CSRNP3: variants seen among roughly 807,000 people sequenced by gnomAD.
The protein encoded by CSRNP3 is cysteine/serine-rich nuclear protein 3.
CSRNP3 carries 12 observed loss-of-function variants against 48.0 expected under a neutral mutation model. The ratio of observed to expected loss-of-function variants is 0.25; its 90% CI spans 0.16 to 0.41. CSRNP3 has a LOEUF of 0.41. Among genes scored for constraint, CSRNP3 ranks in the 10% least tolerant of loss-of-function variants. The probability of loss-of-function intolerance (pLI) is 1.00; values close to 1 mark genes in which losing one functional copy is unlikely to be tolerated. For synonymous variants in CSRNP3, 263 were observed against 269.7 expected (o/e 0.98, Z 0.24); for missense variants, 580 against 724.4 (o/e 0.80, Z 2.29).
chr2:165,519,925 GAGAT>G (rs1684629451), intron 3 of CSRNP3, among the ~76,000 whole-genome samples: 2 of 152,134 alleles, frequency 1.3e-5, no homozygotes, highest in African/African-American at 4.8e-5. Context: ...TTACACAAAA[GAGAT>G]AGATGTCACT....
chr2:165,536,805 A>G (rs1684887776), intron 3 of CSRNP3, among the ~76,000 whole-genome samples: 1 of 151,930 alleles, frequency 6.6e-6, no homozygotes, highest in Non-Finnish European at 1.5e-5. Context: ...GTTATTGAAT[A>G]CATTAAATGT....
At chr2:165,596,947 G>A (rs1325423334) in intron 4 of CSRNP3, among the ~76,000 whole-genome samples, 2 of 152,156 alleles carry the variant, frequency 1.3e-5, no homozygotes, top group Non-Finnish European at 2.9e-5. Context: ...CTGAAAGTAA[G>A]TAGTACTACC....
chr2:165,586,269 G>A (rs1454790413), intron 3 of CSRNP3, among the ~76,000 whole-genome samples: 1 of 152,064 alleles, frequency 6.6e-6, no homozygotes, highest in African/African-American at 2.4e-5. Context: ...TCACCCAAAT[G>A]ACTTTACATG....
chr2:165,540,004 G>T (rs891348487), intron 3 of CSRNP3, among the ~76,000 whole-genome samples: 4 of 152,014 alleles, frequency 2.6e-5, no homozygotes, highest in Non-Finnish European at 4.4e-5. Flanking sequence ...TAAACCCAAA[G>T]GATAAAATGC....
At chr2:165,563,103 C>G (rs1685254894) in intron 3 of CSRNP3, among the ~76,000 whole-genome samples, 1 of 152,198 alleles carries the variant, frequency 6.6e-6, no homozygotes, top group African/African-American at 2.4e-5. Flanking sequence ...CAAATTAAAA[C>G]TACCTCTCAA....
At chr2:165,538,490 G>T (rs1436197542) in intron 3 of CSRNP3, among the ~76,000 whole-genome samples, 1 of 151,740 alleles carries the variant, frequency 6.6e-6, no homozygotes, top group Non-Finnish European at 1.5e-5. Flanking sequence ...TTTACCCAGT[G>T]TCCCCACTTC....
At chr2:165,486,123 C>T (rs1415676980) in intron 1 of CSRNP3, among the ~76,000 whole-genome samples, 1 of 152,190 alleles carries the variant, frequency 6.6e-6, no homozygotes, top group Non-Finnish European at 1.5e-5. Context: ...CGAGGCATTG[C>T]CTCACCTGGG....
At chr2:165,598,143 G>T (rs1267696137) in intron 4 of CSRNP3, among the ~76,000 whole-genome samples, 1 of 152,092 alleles carries the variant, frequency 6.6e-6, no homozygotes, top group Admixed American at 6.5e-5. Flanking sequence ...CAAACAAGAG[G>T]GGTTGGGGAG....
rs71393687 is a variant in CSRNP3, at chr2:165,668,401, CTTTTTTTTT to C, written c.409-7899_409-7891del. 2.7e-3 allele frequency among the ~76,000 whole-genome samples: 299 copies of C among 111,506 alleles called. 1 individual carries two copies. Among genetic ancestry groups the C allele is most frequent in the Admixed American group, 5.3e-3 (54 of 10,156 alleles). The allele number at this position is 111,506 out of a possible 152,430, so 73.2% of individuals were successfully genotyped here. ...AATCATATCCTTTCTTTCTTTCTTT[CTTTTTTTTT>C]TTTTTTTTTTTGAGACAGAGTCTCG... is the stretch of plus-strand genomic sequence containing the variant. On this transcript the variant is annotated intron_variant, in intron 5 of 6. Coordinates refer to ENST00000651982, the MANE Select transcript of CSRNP3 (RefSeq NM_001172173.2).
At chr2:165,536,878 T>C (rs970551080) in intron 3 of CSRNP3, among the ~76,000 whole-genome samples, 1 of 151,904 alleles carries the variant, frequency 6.6e-6, no homozygotes, top group Non-Finnish European at 1.5e-5. Flanking sequence ...TAAAATAATA[T>C]GGATTAACAT....
intron 3 of CSRNP3, among the ~76,000 whole-genome samples, chr2:165,539,228 T>A (rs1208288095): frequency 1.3e-5 from 2 of 151,988 alleles, no homozygotes; most frequent in Non-Finnish European, 2.9e-5. Flanking sequence ...ATATGCACTG[T>A]TTTTACTCTG....
intron 3 of CSRNP3, among the ~76,000 whole-genome samples, chr2:165,565,270 A>G (rs1214004376): frequency 6.6e-6 from 1 of 152,094 alleles, no homozygotes; most frequent in Non-Finnish European, 1.5e-5. Flanking sequence ...AAAGTCTTAG[A>G]ATATCTAAGT....
At chr2:165,605,028 A>G (rs1685986738) in intron 4 of CSRNP3, among the ~76,000 whole-genome samples, 2 of 152,120 alleles carry the variant, frequency 1.3e-5, no homozygotes, top group African/African-American at 4.8e-5. Context: ...TTTGTACCAT[A>G]TCACCATCCT....
intron 3 of CSRNP3, among the ~76,000 whole-genome samples, chr2:165,588,484 GGCCTA>G (rs1161993508): frequency 6.6e-5 from 10 of 152,348 alleles, no homozygotes; most frequent in African/African-American, 2.4e-4. Context: ...GGAGGCCCTT[GGCCTA>G]GTCTAAGTGA....
At chr2:165,514,927 G>T (rs778310658) in intron 2 of CSRNP3, among the ~76,000 whole-genome samples, 3 of 152,178 alleles carry the variant, frequency 2.0e-5, no homozygotes, top group Non-Finnish European at 4.4e-5. Context: ...TTATGCATGA[G>T]ATTTATTTTT....
rs1229110174 is a variant in CSRNP3 at position 165,687,309 on chromosome 2, A to AT, written c.*7561dup. ...ACAAATATGGCTGTACTAGGTTTTC[A>AT]TTTTTGCTGTTGTTGTTGTTTGTTT... is the stretch of plus-strand genomic sequence containing the variant. On this transcript the variant is annotated 3_prime_UTR_variant, in exon 7 of 7. Transcript: ENST00000651982. 6.6e-6 allele frequency: 1 copy of AT among 151,934 alleles called. No homozygotes were observed. Among genetic ancestry groups the AT allele is most frequent in the African/African-American group, 2.4e-5 (1 of 41,388 alleles). The allele number at this position is 151,934 out of a possible 1,614,324, so 9.4% of individuals were successfully genotyped here. A position where few individuals can be genotyped will look rare whatever the true frequency, so the allele number is the denominator to read the frequency against.
intron 4 of CSRNP3, among the ~76,000 whole-genome samples, chr2:165,634,917 G>A (rs915910819): frequency 6.6e-6 from 1 of 152,198 alleles, no homozygotes; most frequent in Non-Finnish European, 1.5e-5. Flanking sequence ...AGCCTGTGTT[G>A]TTCACTTTGG....
At chr2:165,663,247 T>C (rs921265650) in intron 5 of CSRNP3, among the ~76,000 whole-genome samples, 4 of 152,240 alleles carry the variant, frequency 2.6e-5, no homozygotes, top group African/African-American at 9.6e-5. Flanking sequence ...TATTAACTAT[T>C]TCCCCATACT....
At chr2:165,482,265 C>CTTTTTTTT (rs5836042) in intron 1 of CSRNP3, among the ~76,000 whole-genome samples, 2 of 143,282 alleles carry the variant, frequency 1.4e-5, no homozygotes, top group Non-Finnish European at 1.5e-5. Flanking sequence ...AAGAGATGTG[C>CTTTTTTTT]TTTTTTTTTT....
Sources: allele counts gnomAD v4.1 joint callset (sites outside exome capture counted in the v4.1 genomes callset), GRCh38; gene constraint gnomAD v4.1.1; transcripts MANE v1.5; gene names NCBI Gene and HGNC (gene_info 2026-07-23, HGNC 2026-07-21).